Variants in ESYT1 observed in about 807,000 individuals in gnomAD.
ESYT1 encodes extended synaptotagmin 1, also known as extended synaptotagmin-1.
A neutral mutation model predicts 154.2 loss-of-function variants in ESYT1; 116 were observed. The observed-to-expected ratio is 0.75, with a 90% CI of 0.65 to 0.88. The LOEUF is 0.88. Ranked by LOEUF, ESYT1 falls within the 40% of genes least tolerant of loss-of-function variation. The pLI, the probability that ESYT1 is intolerant of heterozygous loss-of-function variation, is 0.00. For missense variants in ESYT1, 1,264 were observed against 1,379.3 expected, an observed-to-expected ratio of 0.92 and a Z score of 1.32; for synonymous variants, 500 against 539.9, an observed-to-expected ratio of 0.93 and a Z score of 1.02.
rs1870842805 is a variant in ESYT1 at position 56,144,536 on chromosome 12, C to CT, written c.*676dup. 2.0e-6 allele frequency: 2 copies of CT among 985,482 alleles called. No homozygotes were observed. Among genetic ancestry groups the CT allele is most frequent in the Admixed American group, 6.1e-5 (1 of 16,280 alleles). 61.0% of individuals were successfully genotyped at this position (985,482 alleles called of 1,614,324 possible). On this transcript the variant is annotated 3_prime_UTR_variant, in exon 31 of 31. Coordinates refer to ENST00000394048, the MANE Select transcript of ESYT1 (RefSeq NM_015292.3). Reference sequence around the variant, plus strand: ...GTGATACGGAGAGGGCTTTGGAGGACTTGGGACAGCAGGGCCAATTTTTTT... The same window carrying CT: ...GTGATACGGAGAGGGCTTTGGAGGACTTTGGGACAGCAGGGCCAATTTTTTT...
chr12:56,135,937 A>G (rs1444639997), intron 15 of ESYT1, among the ~76,000 whole-genome samples: 2 of 150,848 alleles, frequency 1.3e-5, no homozygotes, highest in African/African-American at 4.9e-5. Context: ...GGCATGTGTC[A>G]GTAATCCCAG....
At position 56,134,365 on chromosome 12, in the gene ESYT1, A is replaced by G; in HGVS notation, c.1569A>G (p.Pro523=). 1.2e-6 allele frequency: 2 copies of G among 1,614,140 alleles called. No homozygotes were observed. The highest frequency in any genetic ancestry group is 1.7e-6 in the Non-Finnish European group (2 of 1,180,014). ...ESKAVYSTNC[P]VWEEAFRFFL... ...AGGCTGTCTACAGTACCAACTGCCC[A>G]GTGTGGGAGGAAGCGTTCCGGTTCT... The change falls in exon 15 of 31, where the codon CCA becomes CCG. Residue 523 remains proline, a synonymous_variant. Coordinates refer to ENST00000394048, the MANE Select transcript of ESYT1 (RefSeq NM_015292.3).
chr12:56,134,373 A>C lies in ESYT1; in HGVS notation c.1577A>C (p.Glu526Ala). 6.2e-7 allele frequency: 1 copy of C among 1,614,148 alleles called. No individual in the cohort carries two copies. The highest frequency in any genetic ancestry group is 8.5e-7 in the Non-Finnish European group (1 of 1,180,032). The stretch of plus-strand genomic sequence containing the variant: ...TACAGTACCAACTGCCCAGTGTGGG[A>C]GGAAGCGTTCCGGTTCTTCCTACAA... ...AVYSTNCPVW[E>A]EAFRFFLQDP... The change falls in exon 15 of 31, where the codon GAG (glutamate) becomes GCG (alanine). Residue 526 changes from glutamate (E) to alanine (A), a missense_variant. Physicochemically the swap from Glu to Ala is moderately radical, Grantham distance 107. Transcript: ENST00000394048.
chr12:56,134,791 G>A (rs1345275613), intron 15 of ESYT1, among the ~76,000 whole-genome samples: 2 of 151,860 alleles, frequency 1.3e-5, no homozygotes, highest in Non-Finnish European at 2.9e-5. Flanking sequence ...TAGAGACAGG[G>A]TTTCACCATG....
At chr12:56,133,125 GA>G (rs1383849786) in intron 10 of ESYT1, among the ~76,000 whole-genome samples, 4 of 151,096 alleles carry the variant, frequency 2.6e-5, no homozygotes, top group African/African-American at 7.3e-5. Context: ...TGTCTCTAAA[GA>G]AAAAAAATAA....
chr12:56,131,409 A>G, intron 5 of ESYT1, 68 bp from the exon 6 acceptor site: 5 of 1,610,198 alleles, frequency 3.1e-6, no homozygotes, highest in Middle Eastern at 1.7e-4. Context: ...ACCAAGGCTG[A>G]GAAAGTCTGG....
rs904363791 is a variant in ESYT1 at position 56,144,144 on chromosome 12, C to T, written c.*282C>T. 4.4e-6 allele frequency: 6 copies of T among 1,372,810 alleles called. No individual in the cohort carries two copies. The Admixed American group carries it at 9.3e-5, about 21-fold the overall frequency. 85.0% of individuals were successfully genotyped at this position (1,372,810 alleles called of 1,614,324 possible). On this transcript the variant is annotated 3_prime_UTR_variant, in exon 31 of 31. Transcript: ENST00000394048. ...TTGTTCTCCCTTCCTCCCAACTCCT[C>T]AGGGCCTTCTGTATCTGTGCCTGGC...
intron 10 of ESYT1, 124 bp from the exon 11 acceptor site, chr12:56,133,293 G>A (rs111801582): frequency 8.0e-6 from 8 of 994,758 alleles, no homozygotes; most frequent in Non-Finnish European, 1.3e-5. Flanking sequence ...CTTCTGAGAG[G>A]AATAAGGGAG....
rs1870290613 is a variant in ESYT1 at position 56,132,727 on chromosome 12, A to G, written c.1170A>G (p.Val390=). 1 of 1,614,208 alleles carries G rather than the reference A, an allele frequency of 6.2e-7. No individual in the cohort carries two copies. The highest frequency in any genetic ancestry group is 8.5e-7 in the Non-Finnish European group (1 of 1,180,036). ...CCTTCTGTGTTCCCCAGGTGATGGT[A>G]CACGAGGTCCCAGGGCAGGAGATTG... is the stretch of plus-strand genomic sequence containing the variant. ...PQWGETYEVM[V]HEVPGQEIEV... Residue 390 remains valine (V), a synonymous_variant, in exon 10 of 31, where the codon GTA becomes GTG. Coordinates refer to ENST00000394048, the MANE Select transcript of ESYT1 (RefSeq NM_015292.3).
In ESYT1 at chr12:56,133,798, G is replaced by A. The variant is rs774062784; in HGVS notation, c.1398G>A (p.Trp466Ter). Reference sequence around the variant, plus strand: ...CTCCCCAGGTTCTACAGTGGAATTGGGGAGTCTCCTCTCGACCAGATCCCC... The same window carrying A: ...CTCCCCAGGTTCTACAGTGGAATTGAGGAGTCTCCTCTCGACCAGATCCCC... Reference protein sequence around the residue: ...EKLEQVLQWNWGVSSRPDPPS... With the variant: ...EKLEQVLQWN Residue 466 changes from tryptophan (W) to a stop codon, truncating the protein, a stop_gained, in exon 13 of 31, where the codon TGG becomes TGA. Transcript: ENST00000394048. LOFTEE classifies it high-confidence loss of function. 6.2e-7 allele frequency: 1 copy of A among 1,614,162 alleles called. No homozygotes were observed.
intron 1 of ESYT1, chr12:56,129,727 C>G (rs1870152760): frequency 6.6e-6 from 1 of 152,222 alleles, no homozygotes; most frequent in Admixed American, 6.6e-5. Context: ...GCGCAGGTGT[C>G]CTTTCCCTTA....
chr12:56,143,505 C>T (rs1429391862), intron 29 of ESYT1, 75 bp from the exon 30 acceptor site: 1 of 1,590,674 alleles, frequency 6.3e-7, no homozygotes, highest in Non-Finnish European at 8.6e-7. Flanking sequence ...GATTTCAAAA[C>T]AGCATCATCA....
intron 1 of ESYT1, chr12:56,129,107 T>C: frequency 3.9e-6 from 1 of 258,358 alleles, no homozygotes; most frequent in South Asian, 4.0e-5. Flanking sequence ...CTCTCAAAGG[T>C]TTCCCTAGTC....
Position 56,130,623 on chromosome 12 carries a change from G to A in ESYT1, c.432G>A (p.Lys144=), listed in dbSNP as rs1043288671. ...PDVEKAEWLN[K]IVAQVWPFLG... ...TGGAAAAGGCTGAATGGCTCAATAA[G>A]GTGAGGATTGATTTGATTTTTAGTC... Residue 144 remains lysine, a splice_region_variant and synonymous_variant, in exon 2 of 31, where the codon AAG becomes AAA. Coordinates refer to ENST00000394048, the MANE Select transcript of ESYT1 (RefSeq NM_015292.3). 7 of 1,614,110 alleles carry A rather than the reference G, an allele frequency of 4.3e-6. No individual in the cohort carries two copies. The highest frequency in any genetic ancestry group is 2.2e-5 in the East Asian group (1 of 44,888).
At position 56,137,595 on chromosome 12, in the gene ESYT1, A is replaced by C; in HGVS notation, c.2035A>C (p.Lys679Gln). Residue 679 changes from lysine (K) to glutamine (Q), a missense_variant, in exon 18 of 31, where the codon AAA becomes CAA. Lys to Gln is a moderately conservative substitution (Grantham distance 53). Transcript: ENST00000394048. ...LVKGKSDPYV[K>Q]LKLAGRSFRS... ...GAAGGGCAAGTCAGACCCCTATGTC[A>C]AACTAAAGTTGGCAGGACGAAGCTT... The C allele has an allele frequency of 6.2e-7, 1 of 1,614,166 alleles. No homozygotes were observed. Among genetic ancestry groups the C allele is most frequent in the Non-Finnish European group, 8.5e-7 (1 of 1,180,022 alleles).
Position 56,130,914 on chromosome 12 carries a change from C to T in ESYT1, c.556C>T (p.Leu186=), listed in dbSNP as rs772787922. ...AACATTTACATTTACACGAGTGGAACTGGGTGAAAAGGTATGTGTGGAGGA... is the reference window on the plus strand; with the variant it reads ...AACATTTACATTTACACGAGTGGAATTGGGTGAAAAGGTATGTGTGGAGGA... ...LQTFTFTRVE[L]GEKPLRIIGV... is the part of the protein sequence containing the mutation. Residue 186 remains leucine, a synonymous_variant, in exon 3 of 31, where the codon CTG becomes TTG. Coordinates refer to ENST00000394048, the MANE Select transcript of ESYT1 (RefSeq NM_015292.3). The T allele has an allele frequency of 1.2e-6, 2 of 1,614,200 alleles. No homozygotes were observed. Among genetic ancestry groups the T allele is most frequent in the Admixed American group, 3.3e-5 (2 of 60,028 alleles).
In ESYT1 at chr12:56,144,644, G is replaced by A; in HGVS notation, c.*782G>A. On this transcript the variant is annotated 3_prime_UTR_variant, in exon 31 of 31. Transcript: ENST00000394048. ...TTTGCACCAACTCTGCCAAGCCACT[G>A]GATCTTACATTAAACATCATACTCA... is the stretch of plus-strand genomic sequence containing the variant. 1 of 985,344 alleles carries A rather than the reference G, an allele frequency of 1.0e-6. No individual in the cohort carries two copies. 61.0% of individuals were successfully genotyped at this position (985,344 alleles called of 1,614,324 possible).
chr12:56,130,429 A>G (rs1175071785), intron 1 of ESYT1, 153 bp from the exon 2 acceptor site: 5 of 833,342 alleles, frequency 6.0e-6, no homozygotes, highest in Non-Finnish European at 1.0e-5. Context: ...TCTGTGAGGA[A>G]TGAACCTTTG....
At chr12:56,137,089 T>C (rs1592247495) in intron 16 of ESYT1, 129 bp from the exon 17 acceptor site, 1 of 1,352,698 alleles carries the variant, frequency 7.4e-7, no homozygotes, top group Non-Finnish European at 1.0e-6. Flanking sequence ...GGGAACCCTG[T>C]AGAGATGAGC....
Sources: gnomAD v4.1 joint callset for allele counts (sites outside exome capture counted in the v4.1 genomes callset) on GRCh38, gnomAD v4.1.1 for gene constraint, MANE v1.5 for transcripts, NCBI Gene and HGNC (gene_info 2026-07-23, HGNC 2026-07-21) for gene names.